RTN4IP1: variants seen among roughly 807,000 people sequenced by gnomAD.
RTN4IP1 encodes the protein reticulon 4 interacting protein 1, also known as NAD(P)H oxidoreductase RTN4IP1, mitochondrial.
RTN4IP1 carries 32 observed loss-of-function variants against 46.6 expected under a neutral mutation model. The ratio of observed to expected loss-of-function variants is 0.69; its 90% CI spans 0.52 to 0.92. RTN4IP1 has a LOEUF of 0.92. Ranked by LOEUF, RTN4IP1 falls within the 40% of genes least tolerant of loss-of-function variation. The pLI is 0.00. For synonymous variants in RTN4IP1, 167 were observed against 161.8 expected (o/e 1.03, Z -0.24); for missense variants, 424 against 485.8 (o/e 0.87, Z 1.20).
intron 8 of RTN4IP1, among the ~76,000 whole-genome samples, chr6:106,576,602 G>C (rs1775234382): frequency 6.6e-6 from 1 of 152,176 alleles, no homozygotes; most frequent in Non-Finnish European, 1.5e-5. Flanking sequence ...CGAGGGCCCA[G>C]CTATTCAAGA....
intron 1 of RTN4IP1, among the ~76,000 whole-genome samples, chr6:106,623,682 C>T (rs1044238528): frequency 2.6e-5 from 4 of 152,070 alleles, no homozygotes; most frequent in African/African-American, 9.7e-5. Context: ...TTTTGAAATT[C>T]AAATTTTGAA....
In RTN4IP1 at chr6:106,621,513, A is replaced by C; in HGVS notation, c.427-20T>G. The C allele has an allele frequency of 6.2e-7, 1 of 1,607,192 alleles. No individual in the cohort carries two copies. The highest frequency in any genetic ancestry group is 8.5e-7 in the Non-Finnish European group (1 of 1,173,832). ...CCAGACCTGAAACACACACAGACAG[A>C]CAGCTTCATTAGAAACACAGATATT... On this transcript the variant is annotated intron_variant, in intron 2 of 8. Coordinates refer to ENST00000369063, the MANE Select transcript of RTN4IP1 (RefSeq NM_032730.5).
At chr6:106,576,109 G>A (rs1199996716) in intron 8 of RTN4IP1, among the ~76,000 whole-genome samples, 1 of 152,172 alleles carries the variant, frequency 6.6e-6, no homozygotes, top group African/African-American at 2.4e-5. Context: ...GGGGTAAAGG[G>A]GAAGAAGGGG....
At chr6:106,589,736 A>T (rs1775600139) in intron 6 of RTN4IP1, among the ~76,000 whole-genome samples, 1 of 152,236 alleles carries the variant, frequency 6.6e-6, no homozygotes, top group Non-Finnish European at 1.5e-5. Flanking sequence ...ATTTGGAAGG[A>T]GGAACATATT....
At chr6:106,605,232 G>A (rs1251032173) in intron 4 of RTN4IP1, among the ~76,000 whole-genome samples, 5 of 151,968 alleles carry the variant, frequency 3.3e-5, no homozygotes, top group African/African-American at 9.7e-5. Context: ...GCAAGAGATC[G>A]AGAACATCCT....
intron 4 of RTN4IP1, among the ~76,000 whole-genome samples, chr6:106,610,078 T>C (rs79245986): frequency 6.6e-6 from 1 of 152,168 alleles, no homozygotes; most frequent in Non-Finnish European, 1.5e-5. Context: ...TTTTTTTTTT[T>C]TGAGACGGAG....
intron 8 of RTN4IP1, among the ~76,000 whole-genome samples, chr6:106,574,738 T>G (rs2114616741): frequency 6.6e-6 from 1 of 152,256 alleles, no homozygotes; most frequent in Non-Finnish European, 1.5e-5. Context: ...CACATACCCA[T>G]CCATTCCACA....
At chr6:106,626,975 A>T (rs1582396729) in intron 1 of RTN4IP1, among the ~76,000 whole-genome samples, 1 of 152,144 alleles carries the variant, frequency 6.6e-6, no homozygotes, top group African/African-American at 2.4e-5. Context: ...CTCCAGAAAA[A>T]CAGCCAGCCT....
chr6:106,593,834 G>A (rs1169726661), intron 5 of RTN4IP1, among the ~76,000 whole-genome samples: 1 of 152,176 alleles, frequency 6.6e-6, no homozygotes, highest in Non-Finnish European at 1.5e-5. Flanking sequence ...AGACACTTGA[G>A]TGTAATGATA....
At chr6:106,608,423 C>G (rs952769232) in intron 4 of RTN4IP1, among the ~76,000 whole-genome samples, 1 of 152,204 alleles carries the variant, frequency 6.6e-6, no homozygotes, top group Admixed American at 6.5e-5. Context: ...CTCTATAGCA[C>G]TACAAGGTGA....
At chr6:106,577,306 T>A (rs66607211) in intron 8 of RTN4IP1, among the ~76,000 whole-genome samples, 21,406 of 151,462 alleles carry the variant, frequency 0.14, 1,737 homozygotes, top group African/African-American at 0.21. Context: ...TCAGGGGCAT[T>A]CCTGTCCAAG....
At chr6:106,602,527 T>TG (rs1269984787) in intron 5 of RTN4IP1, among the ~76,000 whole-genome samples, 3 of 152,104 alleles carry the variant, frequency 2.0e-5, no homozygotes, top group Non-Finnish European at 2.9e-5. Context: ...CCCATGGTCT[T>TG]CCTTCTTAAA....
intron 1 of RTN4IP1, among the ~76,000 whole-genome samples, chr6:106,628,515 C>T (rs1359657274): frequency 6.6e-6 from 1 of 151,680 alleles, no homozygotes; most frequent in African/African-American, 2.4e-5. Context: ...TCTGAACTTA[C>T]ATATTTAAGG....
At chr6:106,576,815 G>C (rs932406214) in intron 8 of RTN4IP1, among the ~76,000 whole-genome samples, 3 of 152,230 alleles carry the variant, frequency 2.0e-5, no homozygotes, top group African/African-American at 7.2e-5. Context: ...ACTGCAGACA[G>C]AGAACATCTC....
rs753577401 is a variant in RTN4IP1 at position 106,621,460 on chromosome 6, T to C, written c.460A>G (p.Thr154Ala). 1 of 1,613,868 alleles carries C rather than the reference T, an allele frequency of 6.2e-7. No homozygotes were observed. Among genetic ancestry groups the C allele is most frequent in the Admixed American group, 1.7e-5 (1 of 60,006 alleles). Residue 154 changes from threonine to alanine, a missense_variant, in exon 3 of 9, where the codon ACT becomes GCT. Thr to Ala is a moderately conservative substitution (Grantham distance 58). Coordinates refer to ENST00000369063, the MANE Select transcript of RTN4IP1 (RefSeq NM_032730.5). ...CTGACTACAACAAACTCTGAAAGAG[T>C]GCCTTGTTTCCAAGGAGGAACTGCA... The part of the protein sequence containing the change: ...WAAVPPWKQG[T>A]LSEFVVVSGN...
chr6:106,577,341 G>A (rs916401348), intron 8 of RTN4IP1, among the ~76,000 whole-genome samples: 1 of 150,188 alleles, frequency 6.7e-6, no homozygotes, highest in Non-Finnish European at 1.5e-5. Context: ...AGTGCTATAT[G>A]GGGGGCTGAG....
intron 6 of RTN4IP1, 128 bp from the exon 7 acceptor site, chr6:106,587,990 C>T (rs987206847): frequency 2.6e-5 from 19 of 731,282 alleles, no homozygotes; most frequent in Non-Finnish European, 3.4e-5. Flanking sequence ...TGCTGCACCT[C>T]GCCATCCTGC....
chr6:106,603,318 C>T (rs1210631494), intron 4 of RTN4IP1, among the ~76,000 whole-genome samples: 1 of 152,188 alleles, frequency 6.6e-6, no homozygotes, highest in Non-Finnish European at 1.5e-5. Flanking sequence ...AGAAAAATCA[C>T]ATTCCTGACT....
chr6:106,596,924 A>G (rs749824837), intron 5 of RTN4IP1, among the ~76,000 whole-genome samples: 33 of 152,172 alleles, frequency 2.2e-4, no homozygotes, highest in Admixed American at 5.2e-4. Context: ...TTTTCTGCCA[A>G]AAGTGTTACT....
Sources: allele counts gnomAD v4.1 joint callset (sites outside exome capture counted in the v4.1 genomes callset), GRCh38; gene constraint gnomAD v4.1.1; transcripts MANE v1.5; gene names NCBI Gene and HGNC (gene_info 2026-07-23, HGNC 2026-07-21).